OR2L13: variants seen among roughly 807,000 people sequenced by gnomAD.
The protein encoded by OR2L13 is olfactory receptor family 2 subfamily L member 13, also known as olfactory receptor 2L13.
OR2L13 carries 14 observed loss-of-function variants against 15.3 expected under a neutral mutation model. That is an observed-to-expected ratio of 0.91 (90% CI 0.60 to 1.43). The LOEUF is 1.43. Among genes scored for constraint, OR2L13 ranks in the 40% most tolerant of loss-of-function variants. The pLI, the probability that OR2L13 is intolerant of heterozygous loss-of-function variation, is 0.00. For synonymous variants in OR2L13, 152 were observed against 142.9 expected (o/e 1.06, Z -0.45); for missense variants, 367 against 387.9 (o/e 0.95, Z 0.45).
the OR2L13 span, among the ~76,000 whole-genome samples, chr1:248,019,648 C>T: frequency 3.3e-5 from 5 of 152,180 alleles, no homozygotes; most frequent in East Asian, 1.9e-4. Flanking sequence ...TGAGTAAACT[C>T]AGTTTCGTTT....
chr1:248,034,116 C>G, the OR2L13 span, among the ~76,000 whole-genome samples: 10 of 152,228 alleles, frequency 6.6e-5, no homozygotes, highest in East Asian at 1.9e-3. Context: ...GGTGAGAGAA[C>G]TCTATAAGGA....
At chr1:247,950,805 A>G in the OR2L13 span, among the ~76,000 whole-genome samples, 2 of 152,162 alleles carry the variant, frequency 1.3e-5, no homozygotes, top group African/African-American at 4.8e-5. Flanking sequence ...TTGTAAAAAT[A>G]TAGATAGCAC....
the OR2L13 span, among the ~76,000 whole-genome samples, chr1:247,989,055 G>T: frequency 6.6e-6 from 1 of 152,054 alleles, no homozygotes; most frequent in East Asian, 1.9e-4. Flanking sequence ...AATGAACTTG[G>T]CATATAGATA....
At chr1:248,031,587 G>A in the OR2L13 span, among the ~76,000 whole-genome samples, 13 of 152,106 alleles carry the variant, frequency 8.5e-5, no homozygotes, top group African/African-American at 2.4e-4. Flanking sequence ...CTATCCAATG[G>A]TCTGGCTGGC....
the OR2L13 span, among the ~76,000 whole-genome samples, chr1:248,054,980 A>G: frequency 1.3e-5 from 2 of 152,158 alleles, no homozygotes; most frequent in Admixed American, 1.3e-4. Flanking sequence ...ACTACATTGA[A>G]TAAGAGTCAT....
chr1:247,983,508 T>C, the OR2L13 span, among the ~76,000 whole-genome samples: 2 of 152,212 alleles, frequency 1.3e-5, no homozygotes. Flanking sequence ...AAAATACTTA[T>C]AGCTATTTTG....
the OR2L13 span, chr1:247,975,697 A>C: frequency 1.3e-6 from 1 of 798,632 alleles, no homozygotes; most frequent in South Asian, 1.6e-5. Context: ...CACTAGCCTC[A>C]CATCAACTTA....
At chr1:248,068,774 C>G in the OR2L13 span, among the ~76,000 whole-genome samples, 1 of 151,984 alleles carries the variant, frequency 6.6e-6, no homozygotes, top group Non-Finnish European at 1.5e-5. Flanking sequence ...CAGAGTAGTC[C>G]TTAAAGGAGC....
At chr1:247,945,399 ATTTGCTGAGGAGTGT>A in the OR2L13 span, among the ~76,000 whole-genome samples, 2 of 151,946 alleles carry the variant, frequency 1.3e-5, no homozygotes, top group South Asian at 4.2e-4. Context: ...TTTATTTTGT[ATTTGCTGAGGAGTGT>A]TTTACTTCCA....
the OR2L13 span, among the ~76,000 whole-genome samples, chr1:247,958,620 G>A: frequency 1.3e-5 from 2 of 152,128 alleles, no homozygotes; most frequent in Non-Finnish European, 2.9e-5. Flanking sequence ...ATGAATCTGG[G>A]TGCTCCTGTA....
chr1:248,030,735 C>T, the OR2L13 span, among the ~76,000 whole-genome samples: 28 of 152,116 alleles, frequency 1.8e-4, no homozygotes, highest in Non-Finnish European at 2.9e-4. Context: ...TTTTTGTCAT[C>T]TAAGATGTCG....
At chr1:248,006,324 G>T in the OR2L13 span, among the ~76,000 whole-genome samples, 1 of 151,678 alleles carries the variant, frequency 6.6e-6, no homozygotes, top group Admixed American at 6.6e-5. Flanking sequence ...TGTCTCATGT[G>T]GGTGTTGCCT....
chr1:248,053,121 A>G, the OR2L13 span, among the ~76,000 whole-genome samples: 2 of 151,952 alleles, frequency 1.3e-5, no homozygotes, highest in African/African-American at 4.8e-5. Context: ...CCCTCCCACA[A>G]CAGGCCCCAG....
upstream of OR2L13, among the ~76,000 whole-genome samples, chr1:248,092,812 C>T (rs545176297): frequency 6.6e-4 from 100 of 152,144 alleles, 1 homozygote; most frequent in African/African-American, 1.8e-3. Context: ...TATCCATCAC[C>T]GCTCCAACTT....
chr1:248,045,604 A>C, the OR2L13 span, among the ~76,000 whole-genome samples: 1 of 152,174 alleles, frequency 6.6e-6, no homozygotes, highest in Admixed American at 6.5e-5. Flanking sequence ...TAGACATGGC[A>C]CCTACTATTA....
chr1:247,993,988 T>C, the OR2L13 span, among the ~76,000 whole-genome samples: 1 of 152,166 alleles, frequency 6.6e-6, no homozygotes. Context: ...GAATGTCTCT[T>C]ATTCTCTTTG....
chr1:248,093,597 G>A (rs1286784923), upstream of OR2L13, among the ~76,000 whole-genome samples: 2 of 152,098 alleles, frequency 1.3e-5, no homozygotes, highest in Non-Finnish European at 2.9e-5. Context: ...GTCCAGTTTC[G>A]TACTTCATCG....
chr1:248,090,891 A>T (rs1664581836), upstream of OR2L13, among the ~76,000 whole-genome samples: 1 of 152,182 alleles, frequency 6.6e-6, no homozygotes, highest in African/African-American at 2.4e-5. Context: ...GAACTAATTT[A>T]CATTTGCACC....
chr1:247,949,732 G>A, the OR2L13 span: 7 of 1,613,794 alleles, frequency 4.3e-6, no homozygotes, highest in South Asian at 3.3e-5. Flanking sequence ...TATAGCCTGA[G>A]GAACAAGGAG....
Sources: gnomAD v4.1 joint callset for allele counts (sites outside exome capture counted in the v4.1 genomes callset) on GRCh38, gnomAD v4.1.1 for gene constraint, MANE v1.5 for transcripts, NCBI Gene and HGNC (gene_info 2026-07-23, HGNC 2026-07-21) for gene names.